ASTN2: variants seen among roughly 807,000 people sequenced by gnomAD.
ASTN2 encodes astrotactin-2.
In ASTN2, 54 loss-of-function variants were observed where a neutral mutation model predicts 139.8. The ratio of observed to expected loss-of-function variants is 0.39; its 90% CI spans 0.31 to 0.48. The LOEUF is 0.48. Ranked by LOEUF, ASTN2 falls within the 20% of genes least tolerant of loss-of-function variation. The pLI, the probability that ASTN2 is intolerant of heterozygous loss-of-function variation, is 0.95. For synonymous variants in ASTN2, 756 were observed against 719.5 expected, an observed-to-expected ratio of 1.05 and a Z score of -0.81; for missense variants, 1,565 against 1,725.1, an observed-to-expected ratio of 0.91 and a Z score of 1.64.
intron 10 of ASTN2, among the ~76,000 whole-genome samples, chr9:116,953,065 C>T (rs1301592401): frequency 1.4e-4 from 22 of 152,114 alleles, no homozygotes; most frequent in African/African-American, 2.4e-5. Context: ...TCTCCATCTC[C>T]GACCCAATAG....
At chr9:116,600,666 G>T (rs995708991) in intron 19 of ASTN2, among the ~76,000 whole-genome samples, 2 of 152,110 alleles carry the variant, frequency 1.3e-5, no homozygotes, top group African/African-American at 4.8e-5. Context: ...ATACTTCATA[G>T]AGCAGCCAGG....
chr9:117,012,898 C>T (rs1407012199), intron 6 of ASTN2, among the ~76,000 whole-genome samples: 2 of 152,192 alleles, frequency 1.3e-5, no homozygotes, highest in Non-Finnish European at 2.9e-5. Context: ...TGGCTATGCG[C>T]CAAGCCCTGC....
chr9:116,805,524 C>CCACAGAA, intron 13 of ASTN2, 108 bp downstream of exon 13: 1 of 1,012,470 alleles, frequency 9.9e-7, no homozygotes, highest in East Asian at 2.4e-5. Context: ...TAAAGTGATG[C>CCACAGAA]TGGCCAGAAT....
At chr9:116,593,751 A>G (rs1370130753) in intron 19 of ASTN2, among the ~76,000 whole-genome samples, 1 of 152,126 alleles carries the variant, frequency 6.6e-6, no homozygotes, top group African/African-American at 2.4e-5. Flanking sequence ...TGCTCATTCT[A>G]TACTTCTCCA....
chr9:116,588,080 C>T (rs1466619841), intron 19 of ASTN2, among the ~76,000 whole-genome samples: 1 of 152,108 alleles, frequency 6.6e-6, no homozygotes, highest in Admixed American at 6.5e-5. Flanking sequence ...AACTGAAACT[C>T]CACCCAGAAA....
intron 3 of ASTN2, among the ~76,000 whole-genome samples, chr9:117,210,713 T>A (rs573811999): frequency 6.6e-6 from 1 of 152,202 alleles, no homozygotes; most frequent in African/African-American, 2.4e-5. Flanking sequence ...CTACAAGACA[T>A]GCATCACCCT....
At chr9:116,829,176 A>T (rs915925185) in intron 11 of ASTN2, among the ~76,000 whole-genome samples, 3 of 151,968 alleles carry the variant, frequency 2.0e-5, no homozygotes, top group African/African-American at 7.3e-5. Flanking sequence ...TTCATCTGTA[A>T]CTAGAACAGA....
intron 10 of ASTN2, among the ~76,000 whole-genome samples, chr9:116,957,873 G>C (rs1316805439): frequency 1.3e-5 from 2 of 152,112 alleles, no homozygotes; most frequent in Admixed American, 1.3e-4. Flanking sequence ...CTGAGACGGG[G>C]TTTCACCATG....
chr9:116,653,898 A>G (rs914438489), intron 16 of ASTN2, among the ~76,000 whole-genome samples: 6 of 152,234 alleles, frequency 3.9e-5, no homozygotes, highest in Non-Finnish European at 7.3e-5. Flanking sequence ...ATTCCAGTTA[A>G]CCAATCCTTC....
intron 17 of ASTN2, among the ~76,000 whole-genome samples, chr9:116,627,860 C>T (rs1008238563): frequency 2.6e-5 from 4 of 152,192 alleles, no homozygotes; most frequent in African/African-American, 9.6e-5. Context: ...TTACTCCTCA[C>T]AATACCCTAG....
intron 3 of ASTN2, among the ~76,000 whole-genome samples, chr9:117,188,839 A>T: frequency 6.6e-6 from 1 of 152,254 alleles, no homozygotes; most frequent in Admixed American, 6.5e-5. Context: ...TGAGAGTCCC[A>T]TGGGAGCCAG....
At chr9:116,882,894 C>G (rs770680214) in intron 10 of ASTN2, among the ~76,000 whole-genome samples, 1 of 151,630 alleles carries the variant, frequency 6.6e-6, no homozygotes, top group Non-Finnish European at 1.5e-5. Flanking sequence ...AATGATAATT[C>G]TCAGTGCCGA....
intron 3 of ASTN2, among the ~76,000 whole-genome samples, chr9:117,196,860 G>T (rs923842092): frequency 6.6e-6 from 1 of 152,136 alleles, no homozygotes; most frequent in African/African-American, 2.4e-5. Context: ...AGTTTGATGG[G>T]GTAGTGGGTT....
intron 5 of ASTN2, among the ~76,000 whole-genome samples, chr9:117,086,340 C>T (rs1201211121): frequency 3.9e-5 from 6 of 152,072 alleles, no homozygotes; most frequent in Admixed American, 2.0e-4. Context: ...TTTGGGAAGC[C>T]GAGGCAGGCG....
intron 11 of ASTN2, among the ~76,000 whole-genome samples, chr9:116,823,531 A>G (rs1049872304): frequency 7.2e-5 from 11 of 152,232 alleles, no homozygotes; most frequent in African/African-American, 2.7e-4. Context: ...AGTGACGCCC[A>G]GAAAGTTAAA....
chr9:116,661,184 G>C (rs1344077970), intron 16 of ASTN2, among the ~76,000 whole-genome samples: 2 of 151,840 alleles, frequency 1.3e-5, no homozygotes, highest in Non-Finnish European at 2.9e-5. Context: ...CTTCCTCCTG[G>C]GACAAGGCAG....
chr9:116,625,101 G>C (rs1856376630), intron 17 of ASTN2, among the ~76,000 whole-genome samples: 1 of 152,152 alleles, frequency 6.6e-6, no homozygotes, highest in South Asian at 2.1e-4. Flanking sequence ...TAGCCAAAAA[G>C]TGGTGGTCAA....
intron 4 of ASTN2, among the ~76,000 whole-genome samples, chr9:117,123,763 C>A (rs1248701841): frequency 6.6e-6 from 1 of 152,148 alleles, no homozygotes; most frequent in Non-Finnish European, 1.5e-5. Context: ...CTTCTCCATT[C>A]CTCCCTACCC....
At chr9:116,979,617 G>A (rs989478422) in intron 7 of ASTN2, among the ~76,000 whole-genome samples, 1 of 152,054 alleles carries the variant, frequency 6.6e-6, no homozygotes, top group East Asian at 1.9e-4. Flanking sequence ...TAAAAGTCCT[G>A]GGATTTGTCC....
Sources: allele counts gnomAD v4.1 joint callset (sites outside exome capture counted in the v4.1 genomes callset), GRCh38; gene constraint gnomAD v4.1.1; transcripts MANE v1.5; gene names NCBI Gene and HGNC (gene_info 2026-07-23, HGNC 2026-07-21).